AK9: variants seen among roughly 807,000 people sequenced by gnomAD.
The protein encoded by AK9 is adenylate kinase 9, also known as adenylate kinase domain containing 1.
Under a neutral mutation model 239.6 loss-of-function variants are expected in AK9, and 191 were observed. The ratio of observed to expected loss-of-function variants is 0.80; its 90% CI spans 0.71 to 0.90. AK9 has a LOEUF of 0.90. AK9 is among the 40% of genes least tolerant of loss of function. The pLI is 0.00. For synonymous variants in AK9, 689 were observed against 721.0 expected (o/e 0.96, Z 0.71); for missense variants, 1,995 against 2,214.7 (o/e 0.90, Z 1.99).
At chr6:109,592,315 C>T (rs1341763869) in intron 17 of AK9, among the ~76,000 whole-genome samples, 2 of 152,130 alleles carry the variant, frequency 1.3e-5, no homozygotes, top group East Asian at 1.9e-4. Flanking sequence ...AACACTGCAG[C>T]TGCAATTGCC....
At chr6:109,561,772 A>T (rs1193365666) in intron 24 of AK9, among the ~76,000 whole-genome samples, 1 of 152,166 alleles carries the variant, frequency 6.6e-6, no homozygotes, top group Non-Finnish European at 1.5e-5. Flanking sequence ...AATTTGAATA[A>T]TATGATGTAC....
chr6:109,682,383 G>A lies in AK9; in HGVS notation c.-11-6627C>T, dbSNP rs549998095. 1.7e-3 allele frequency among the ~76,000 whole-genome samples: 238 copies of A among 138,940 alleles called. 4 individuals carry two copies. Among genetic ancestry groups the A allele is most frequent in the Middle Eastern group, 7.6e-3 (2 of 262 alleles). The allele number at this position is 138,940 out of a possible 152,430, so 91.2% of individuals were successfully genotyped here. On this transcript the variant is annotated intron_variant, in intron 1 of 40. Transcript: ENST00000424296. ...CGGAGCTTGCAGTGAGCCGAGATCG[G>A]GCCACTGCACTCCAGCCTGGGTGAC...
intron 5 of AK9, among the ~76,000 whole-genome samples, chr6:109,666,137 C>A (rs76752383): frequency 6.6e-5 from 10 of 152,140 alleles, no homozygotes; most frequent in Non-Finnish European, 1.0e-4. Flanking sequence ...TGGGGCTCTA[C>A]CCTCTGAGAG....
chr6:109,643,549 G>A (rs1380153687), intron 9 of AK9, among the ~76,000 whole-genome samples: 4 of 152,074 alleles, frequency 2.6e-5, no homozygotes, highest in Non-Finnish European at 4.4e-5. Context: ...TTCTCCTTTA[G>A]TTTTTTTCCT....
At chr6:109,550,061 C>T (rs1375417663) in intron 25 of AK9, 29 bp downstream of exon 25, 4 of 1,599,164 alleles carry the variant, frequency 2.5e-6, no homozygotes, top group Admixed American at 3.4e-5. Flanking sequence ...CCTGTGGGAG[C>T]AATCATTAAG....
chr6:109,636,540 T>A (rs992319072), intron 10 of AK9, among the ~76,000 whole-genome samples: 4 of 151,446 alleles, frequency 2.6e-5, no homozygotes, highest in African/African-American at 9.7e-5. Flanking sequence ...CAGAACTCTG[T>A]ACTCATGAAA....
Position 109,550,105 on chromosome 6 carries a change from A to G in AK9, c.2949T>C (p.His983=), listed in dbSNP as rs1344672708. The G allele has an allele frequency of 3.1e-6, 5 of 1,613,760 alleles. No homozygotes were observed. The African/African-American group carries it at 4.0e-5, about 13-fold the overall frequency. The change falls in exon 25 of 41, where the codon CAT becomes CAC. Residue 983 remains histidine, a synonymous_variant. Transcript: ENST00000424296. ...FLEHPEDYVA[H]EEPLKAPPLR... ...ACTGTCTCACCTTCAATGGTTCTTC[A>G]TGAGCCACATAATCCTCAGGATGCT...
intron 3 of AK9, among the ~76,000 whole-genome samples, chr6:109,673,047 G>C (rs1227445780): frequency 6.6e-6 from 1 of 152,150 alleles, no homozygotes; most frequent in Non-Finnish European, 1.5e-5. Context: ...TTCCTTGATA[G>C]AGGACATCCT....
intron 17 of AK9, among the ~76,000 whole-genome samples, chr6:109,602,254 T>C (rs1554266873): frequency 6.6e-6 from 1 of 152,214 alleles, no homozygotes; most frequent in Admixed American, 6.5e-5. Flanking sequence ...CAGGAGCTCT[T>C]GTAGGGCAGG....
intron 21 of AK9, among the ~76,000 whole-genome samples, chr6:109,568,941 T>C (rs1187503121): frequency 6.6e-6 from 1 of 152,106 alleles, no homozygotes; most frequent in African/African-American, 2.4e-5. Flanking sequence ...TTAAAGTTCA[T>C]ATGCAATGAA....
intron 17 of AK9, among the ~76,000 whole-genome samples, chr6:109,606,806 G>A (rs1204236485): frequency 1.3e-5 from 2 of 152,178 alleles, no homozygotes; most frequent in Non-Finnish European, 2.9e-5. Context: ...AAGTGCGAAT[G>A]GTTTGGTATG....
intron 35 of AK9, among the ~76,000 whole-genome samples, chr6:109,500,022 CTATATA>C (rs1310043461): frequency 1.5e-5 from 2 of 135,356 alleles, no homozygotes; most frequent in Non-Finnish European, 3.1e-5. Context: ...CTATTATAGA[CTATATA>C]TATGATACAC....
intron 12 of AK9, among the ~76,000 whole-genome samples, chr6:109,622,037 T>A (rs978221701): frequency 6.8e-6 from 1 of 147,094 alleles, no homozygotes; most frequent in Admixed American, 6.8e-5. Context: ...AAAATGTATA[T>A]ATCAAAATAT....
At chr6:109,681,756 T>G (rs1772676690) in intron 1 of AK9, among the ~76,000 whole-genome samples, 3 of 152,098 alleles carry the variant, frequency 2.0e-5, no homozygotes. Context: ...CAGACCACAG[T>G]GCAATCAAAT....
chr6:109,497,559 C>A lies in AK9; in HGVS notation c.5221G>T (p.Glu1741Ter). 1 of 1,592,146 alleles carries A rather than the reference C, an allele frequency of 6.3e-7. No homozygotes were observed. The highest frequency in any genetic ancestry group is 1.1e-5 in the South Asian group (1 of 89,208). ...VTYKDGNQRY[E>*]ALVPGSINYA... ...TTAATGCTACCAGGTACTAGAGCTT[C>A]ATATCTGGAAGACCAAAAAACAAAA... is the stretch of plus-strand genomic sequence containing the variant. The change falls in exon 38 of 41, where the codon GAA becomes TAA. Residue 1741 changes from glutamate to a stop codon, truncating the protein, a stop_gained. Coordinates refer to ENST00000424296, the MANE Select transcript of AK9 (RefSeq NM_001145128.3). LOFTEE classifies it high-confidence loss of function.
chr6:109,653,150 C>T (rs1040662062), intron 8 of AK9, among the ~76,000 whole-genome samples: 5 of 152,174 alleles, frequency 3.3e-5, no homozygotes, highest in Admixed American at 2.6e-4. Context: ...TGGTCTCAAA[C>T]TCCTGACTTC....
chr6:109,544,742 G>A (rs1783315297), intron 26 of AK9, among the ~76,000 whole-genome samples: 1 of 152,110 alleles, frequency 6.6e-6, no homozygotes, highest in African/African-American at 2.4e-5. Flanking sequence ...TTATAGCAAC[G>A]AGAGAACAGA....
intron 17 of AK9, among the ~76,000 whole-genome samples, chr6:109,595,365 G>GTA (rs1294390695): frequency 6.6e-6 from 1 of 152,202 alleles, no homozygotes; most frequent in East Asian, 1.9e-4. Context: ...ATGCTGGAGA[G>GTA]GACATGGAGA....
chr6:109,512,649 G>C (rs951350370), intron 32 of AK9, among the ~76,000 whole-genome samples: 1 of 152,132 alleles, frequency 6.6e-6, no homozygotes, highest in African/African-American at 2.4e-5. Flanking sequence ...CAGTCATTAA[G>C]ACTTATTGTT....
Sources: allele counts gnomAD v4.1 joint callset (sites outside exome capture counted in the v4.1 genomes callset), GRCh38; gene constraint gnomAD v4.1.1; transcripts MANE v1.5; gene names NCBI Gene and HGNC (gene_info 2026-07-23, HGNC 2026-07-21).